ERBB4: variants seen among roughly 807,000 people sequenced by gnomAD.
ERBB4 encodes the protein receptor tyrosine-protein kinase erbB-4.
A neutral mutation model predicts 158.0 loss-of-function variants in ERBB4; 42 were observed. The observed-to-expected ratio is 0.27, with a 90% CI of 0.21 to 0.34. ERBB4 has a LOEUF of 0.34. ERBB4 is among the 10% of genes least tolerant of loss of function. The probability of loss-of-function intolerance (pLI) is 1.00; values close to 1 mark genes in which losing one functional copy is unlikely to be tolerated. For synonymous variants in ERBB4, 583 were observed against 558.7 expected, an observed-to-expected ratio of 1.04 and a Z score of -0.61; for missense variants, 1,333 against 1,624.1, an observed-to-expected ratio of 0.82 and a Z score of 3.08.
intron 20 of ERBB4, among the ~76,000 whole-genome samples, chr2:211,494,847 C>T (rs371504433): frequency 1.4e-3 from 208 of 152,156 alleles, no homozygotes; most frequent in African/African-American, 4.8e-3. Context: ...CACTGTGCAC[C>T]TCCTTGGGAA....
At chr2:211,831,874 ACCTGGGC>A (rs2077228433) in intron 3 of ERBB4, among the ~76,000 whole-genome samples, 3 of 151,804 alleles carry the variant, frequency 2.0e-5, no homozygotes, top group Non-Finnish European at 4.4e-5. Context: ...TTGCACTCCA[ACCTGGGC>A]AACAACAGCG....
intron 2 of ERBB4, among the ~76,000 whole-genome samples, chr2:212,055,808 T>TA (rs1483283556): frequency 6.6e-6 from 1 of 152,068 alleles, no homozygotes; most frequent in Non-Finnish European, 1.5e-5. Flanking sequence ...CAAAGGTAGA[T>TA]AAAACCACAA....
chr2:212,077,713 T>C (rs1439630087), intron 2 of ERBB4, among the ~76,000 whole-genome samples: 4 of 152,054 alleles, frequency 2.6e-5, no homozygotes, highest in African/African-American at 9.7e-5. Flanking sequence ...GTTAATTATA[T>C]ACTTTGTGAT....
chr2:211,839,980 G>A (rs1001191667), intron 3 of ERBB4, among the ~76,000 whole-genome samples: 1 of 152,116 alleles, frequency 6.6e-6, no homozygotes, highest in Non-Finnish European at 1.5e-5. Context: ...GTATTCTCCA[G>A]TCCTGTTACA....
Position 212,251,471 on chromosome 2 carries a change from A to T in ERBB4, c.83-126568T>A, listed in dbSNP as rs113831758. ...ACAGACACGATAGGTAAAACATAAC[A>T]TGCTTTTGACAGTAGTAAGGAATAA... On this transcript the variant is annotated intron_variant, in intron 1 of 27. Transcript: ENST00000342788. 4.9e-3 allele frequency among the ~76,000 whole-genome samples: 738 copies of T among 152,130 alleles called. 7 individuals carry two copies. The highest frequency in any genetic ancestry group is 0.017 in the Middle Eastern group (5 of 294).
intron 3 of ERBB4, among the ~76,000 whole-genome samples, chr2:211,880,637 G>A (rs1272209863): frequency 6.6e-6 from 1 of 152,060 alleles, no homozygotes; most frequent in African/African-American, 2.4e-5. Flanking sequence ...GAGGCCCTAG[G>A]AACCATTAAG....
intron 20 of ERBB4, among the ~76,000 whole-genome samples, chr2:211,438,184 G>A (rs1190139943): frequency 1.3e-5 from 2 of 152,162 alleles, no homozygotes. Context: ...TGATGGATTG[G>A]CCGAAATGAT....
In ERBB4 at chr2:211,808,344, T is replaced by C. The variant is rs184467503; in HGVS notation, c.422-20185A>G. ...GGATCCAGTTTCAGCTTTCTACATA[T>C]GGCTAGCCAGTTTTCCCAGCACCAT... is the stretch of plus-strand genomic sequence containing the variant. On this transcript the variant is annotated intron_variant, in intron 3 of 27. Coordinates refer to ENST00000342788, the MANE Select transcript of ERBB4 (RefSeq NM_005235.3). Among the ~76,000 whole-genome samples the C allele has an allele frequency of 1.1e-4, 17 of 152,318 alleles. No homozygotes were observed. The East Asian group carries it at 3.1e-3, about 28-fold the overall frequency.
chr2:212,306,099 G>A (rs917631065), intron 1 of ERBB4, among the ~76,000 whole-genome samples: 2 of 151,320 alleles, frequency 1.3e-5, no homozygotes, highest in Admixed American at 1.3e-4. Context: ...ATTCCCAGTT[G>A]AATGCTTTAA....
In ERBB4 at chr2:212,308,533, G is replaced by A. The variant is rs1202553608; in HGVS notation, c.83-183630C>T. On this transcript the variant is annotated intron_variant, in intron 1 of 27. Transcript: ENST00000342788. ...TTTAAAAGACCAGAATTTATTTGAA[G>A]TTATATAGTTTGACCTCTAGACACC... Among the ~76,000 whole-genome samples, 5 of 150,896 alleles carry A rather than the reference G, an allele frequency of 3.3e-5. No homozygotes were observed. The East Asian group carries it at 9.8e-4, about 29-fold the overall frequency.
At chr2:211,504,734 AG>A (rs1400300374) in intron 20 of ERBB4, among the ~76,000 whole-genome samples, 1 of 152,152 alleles carries the variant, frequency 6.6e-6, no homozygotes, top group Non-Finnish European at 1.5e-5. Flanking sequence ...AGAAGATGAA[AG>A]TAGAGATAAA....
intron 1 of ERBB4, among the ~76,000 whole-genome samples, chr2:212,517,433 A>T (rs13387543): frequency 1.5e-3 from 235 of 152,246 alleles, no homozygotes; most frequent in Non-Finnish European, 2.5e-3. Context: ...ATTAAGGGAC[A>T]TGGCAAAAGA....
chr2:212,004,599 G>T (rs1464219525), intron 2 of ERBB4, among the ~76,000 whole-genome samples: 1 of 152,048 alleles, frequency 6.6e-6, no homozygotes, highest in Non-Finnish European at 1.5e-5. Context: ...TTGACTGATT[G>T]ATTCCAGGAC....
At chr2:212,325,385 G>A (rs2106277202) in intron 1 of ERBB4, among the ~76,000 whole-genome samples, 1 of 150,542 alleles carries the variant, frequency 6.6e-6, no homozygotes, top group East Asian at 2.0e-4. Context: ...AGAGGATGGG[G>A]AAGCTTTCCC....
At chr2:211,810,852 T>G (rs1456300236) in intron 3 of ERBB4, among the ~76,000 whole-genome samples, 1 of 151,844 alleles carries the variant, frequency 6.6e-6, no homozygotes, top group East Asian at 1.9e-4. Context: ...TTTTTTGTAT[T>G]TTTAGTAGAG....
intron 1 of ERBB4, among the ~76,000 whole-genome samples, chr2:212,296,250 T>G (rs1160764502): frequency 6.6e-6 from 1 of 151,934 alleles, no homozygotes; most frequent in Non-Finnish European, 1.5e-5. Context: ...AGACAGATAT[T>G]GTAGAGTCCG....
chr2:211,398,253 C>T (rs1172062455), intron 25 of ERBB4, among the ~76,000 whole-genome samples: 1 of 152,126 alleles, frequency 6.6e-6, no homozygotes, highest in Non-Finnish European at 1.5e-5. Context: ...TTAATACCCC[C>T]AGAATCTAAC....
At chr2:212,109,553 A>G (rs75311951) in intron 2 of ERBB4, among the ~76,000 whole-genome samples, 8,586 of 152,238 alleles carry the variant, frequency 0.056, 399 homozygotes, top group South Asian at 0.23. Context: ...GACACACTCT[A>G]GTCAGTCAAT....
chr2:212,498,096 TTGTGTGTGTGTGCATATCTATG>T (rs1560486194), intron 1 of ERBB4, among the ~76,000 whole-genome samples: 1 of 151,204 alleles, frequency 6.6e-6, no homozygotes, highest in East Asian at 1.9e-4. Context: ...AGCCTTTCTA[TTGTGTGTGTGTGCATATCTATG>T]TGTGTGTGTG....
Sources: gnomAD v4.1 joint callset for allele counts (sites outside exome capture counted in the v4.1 genomes callset) on GRCh38, gnomAD v4.1.1 for gene constraint, MANE v1.5 for transcripts, NCBI Gene and HGNC (gene_info 2026-07-23, HGNC 2026-07-21) for gene names.